The following SHISAL2A variants were observed in gnomAD, a reference collection of about 807,000 sequenced individuals.
SHISAL2A encodes protein shisa-like-2A.
SHISAL2A carries 18 observed loss-of-function variants against 11.5 expected under a neutral mutation model. The ratio of observed to expected loss-of-function variants is 1.57; its 90% CI spans 1.08 to 2.33. SHISAL2A has a LOEUF of 2.33. SHISAL2A is among the 30% of genes most tolerant of loss of function. The pLI is 0.00. For synonymous variants in SHISAL2A, 94 were observed against 99.6 expected (o/e 0.94, Z 0.34); for missense variants, 261 against 250.9 (o/e 1.04, Z -0.27).
Position 52,656,800 on chromosome 1 carries a change from G to T in SHISAL2A, c.333G>T (p.Glu111Asp), listed in dbSNP as rs768974033. 6.2e-7 allele frequency: 1 copy of T among 1,609,668 alleles called. No individual in the cohort carries two copies. The highest frequency in any genetic ancestry group is 8.5e-7 in the Non-Finnish European group (1 of 1,177,166). The change falls in exon 3 of 3, where the codon GAG becomes GAT. Residue 111 changes from glutamate to aspartate, a missense_variant. Glu to Asp is a conservative substitution (Grantham distance 45, BLOSUM62 2). Transcript: ENST00000517870. ...GLSLQTAGPE[E>D]VSPDCQGVNT... ...TTTGCTGTTTTCCAGGCCCTGAGGA[G>T]GTTTCTCCTGACTGCCAAGGTGTGA...
In SHISAL2A at chr1:52,633,751, C is replaced by A; in HGVS notation, c.182+76C>A. The A allele has an allele frequency of 1.6e-6, 2 of 1,246,646 alleles. No homozygotes were observed. Among genetic ancestry groups the A allele is most frequent in the Non-Finnish European group, 2.3e-6 (2 of 871,122 alleles). The allele number at this position is 1,246,646 out of a possible 1,614,324, so 77.2% of individuals were successfully genotyped here. A position where few individuals can be genotyped will look rare whatever the true frequency, so the allele number is the denominator to read the frequency against. ...CCTTCACCCCAGCCTCAGCCCCCAC[C>A]CGAGTGTCCACCTGAACATCAGCAG... On this transcript the variant is annotated intron_variant, in intron 1 of 2. Coordinates refer to ENST00000517870, the MANE Select transcript of SHISAL2A (RefSeq NM_001042693.3). This position sits in a 1 kb window ranked among gnomAD's most constrained non-coding sequence, Gnocchi z 6.4.
intron 2 of SHISAL2A, among the ~76,000 whole-genome samples, chr1:52,646,492 TAC>T (rs35929137): frequency 0.31 from 45,347 of 145,104 alleles, 7,625 homozygotes; most frequent in East Asian, 0.67. Flanking sequence ...TAAATATCTA[TAC>T]ACACACACAC....
chr1:52,633,630 C>T lies in SHISAL2A; in HGVS notation c.137C>T (p.Pro46Leu), dbSNP rs774233857. The change falls in exon 1 of 3, where the codon CCG becomes CTG. Residue 46 changes from proline to leucine, a missense_variant. By Grantham distance (98) the Pro-to-Leu change is moderately conservative. Coordinates refer to ENST00000517870, the MANE Select transcript of SHISAL2A (RefSeq NM_001042693.3). This position sits in a 1 kb window ranked among gnomAD's most constrained non-coding sequence, Gnocchi z 6.4. Reference sequence around the variant, plus strand: ...GACCACAAGTACTGCTGCGACGACCCGCACAGCTTCTTCCCCTACGAGCAC... The same window carrying T: ...GACCACAAGTACTGCTGCGACGACCTGCACAGCTTCTTCCCCTACGAGCAC... Reference protein sequence around the residue: ...FRDHKYCCDDPHSFFPYEHSY... With the variant: ...FRDHKYCCDDLHSFFPYEHSY... 4 of 1,613,194 alleles carry T rather than the reference C, an allele frequency of 2.5e-6. No homozygotes were observed. Among genetic ancestry groups the T allele is most frequent in the South Asian group, 2.2e-5 (2 of 91,004 alleles).
chr1:52,642,428 A>ATT (rs113827358), intron 1 of SHISAL2A, among the ~76,000 whole-genome samples: 3,190 of 145,864 alleles, frequency 0.022, 110 homozygotes, highest in African/African-American at 0.068. Context: ...CACAACACTA[A>ATT]TTTTTTTTTT....
intron 2 of SHISAL2A, among the ~76,000 whole-genome samples, chr1:52,652,062 C>T (rs1414684750): frequency 1.3e-5 from 2 of 152,178 alleles, no homozygotes; most frequent in Non-Finnish European, 2.9e-5. Context: ...CTCAGAGCCC[C>T]ATAATGTGAG....
At chr1:52,644,385 A>T (rs1332777172) in intron 2 of SHISAL2A, among the ~76,000 whole-genome samples, 4 of 152,204 alleles carry the variant, frequency 2.6e-5, no homozygotes, top group Admixed American at 1.3e-4. Flanking sequence ...CACCACAGGG[A>T]ATAAGGCCAG....
At chr1:52,659,192 G>C (rs137973973), downstream of SHISAL2A, among the ~76,000 whole-genome samples, 1 of 152,028 alleles carries the variant, frequency 6.6e-6, no homozygotes, top group African/African-American at 2.4e-5. Context: ...AGCCTCCCAA[G>C]CAACTGTGAC....
intron 1 of SHISAL2A, among the ~76,000 whole-genome samples, chr1:52,642,449 G>A (rs1329025074): frequency 6.9e-6 from 1 of 144,320 alleles, no homozygotes; most frequent in Non-Finnish European, 1.5e-5. Flanking sequence ...TTTTTGAGAT[G>A]GAGTCTTGCT....
At position 52,642,608 on chromosome 1, in the gene SHISAL2A, T is replaced by C. The variant is rs552061328; in HGVS notation, c.183-255T>C. On this transcript the variant is annotated intron_variant, in intron 1 of 2. Transcript: ENST00000517870. ...CTACCACATCCAGCTAAGTTTTGTA[T>C]TTTTAGTGTTTAGACCATGTTGACC... 2.0e-5 allele frequency among the ~76,000 whole-genome samples: 3 copies of C among 152,160 alleles called. No homozygotes were observed. The South Asian group carries it at 6.2e-4, about 32-fold the overall frequency.
rs1396097886 is a variant in SHISAL2A, at chr1:52,667,427, C to A, written n.724C>A. 4.1e-6 allele frequency: 4 copies of A among 982,778 alleles called. No homozygotes were observed. The East Asian group carries it at 4.5e-4, about 112-fold the overall frequency. 60.9% of individuals were successfully genotyped at this position (982,778 alleles called of 1,614,324 possible). On this transcript the variant is annotated non_coding_transcript_exon_variant, in exon 5 of 6. Transcript: ENST00000401050. ...GTTCCTAACTTCCTGGCAACAACCA[C>A]AATTGTAATTCGTTCAAAGAGATTG...
At chr1:52,646,159 C>A (rs1571687825) in intron 2 of SHISAL2A, among the ~76,000 whole-genome samples, 2 of 152,252 alleles carry the variant, frequency 1.3e-5, no homozygotes, top group East Asian at 1.9e-4. Flanking sequence ...CTATTGATAA[C>A]TATTGGTAGA....
chr1:52,646,940 C>T (rs1290699777), intron 2 of SHISAL2A, among the ~76,000 whole-genome samples: 1 of 152,194 alleles, frequency 6.6e-6, no homozygotes, highest in Non-Finnish European at 1.5e-5. Context: ...AGCAATTCTC[C>T]TGCCTCAGCC....
chr1:52,638,539 A>G (rs1188754637), intron 1 of SHISAL2A, among the ~76,000 whole-genome samples: 1 of 152,238 alleles, frequency 6.6e-6, no homozygotes, highest in Non-Finnish European at 1.5e-5. Flanking sequence ...GCTTGGATTC[A>G]CCAGGAGACT....
chr1:52,645,581 G>A (rs1279434849), intron 2 of SHISAL2A, among the ~76,000 whole-genome samples: 2 of 148,852 alleles, frequency 1.3e-5, no homozygotes, highest in South Asian at 2.1e-4. Flanking sequence ...CTAATTTTTT[G>A]TATTTTTAGT....
downstream of SHISAL2A, chr1:52,657,205 G>A (rs1691810529): frequency 2.1e-6 from 2 of 941,898 alleles, no homozygotes; most frequent in East Asian, 5.3e-5. Context: ...GGCCTATTGT[G>A]GGCCAAAGAA....
At chr1:52,638,382 A>G (rs1411240741) in intron 1 of SHISAL2A, among the ~76,000 whole-genome samples, 2 of 152,226 alleles carry the variant, frequency 1.3e-5, no homozygotes, top group Non-Finnish European at 2.9e-5. Flanking sequence ...TAACAGCCCT[A>G]CGAACAGTAA....
exon 6 of SHISAL2A, chr1:52,669,302 C>G (rs933606252): frequency 6.6e-6 from 1 of 151,796 alleles, no homozygotes; most frequent in Non-Finnish European, 1.5e-5. Flanking sequence ...GGGCACTGAG[C>G]TAGGGAATGT....
intron 2 of SHISAL2A, among the ~76,000 whole-genome samples, chr1:52,655,286 A>G (rs1013375106): frequency 3.9e-5 from 6 of 152,024 alleles, no homozygotes; most frequent in African/African-American, 1.4e-4. Flanking sequence ...AGAAGACTTG[A>G]ACAGACACTT....
At chr1:52,665,650 G>A (rs1317998725) in intron 4 of SHISAL2A, among the ~76,000 whole-genome samples, 2 of 152,138 alleles carry the variant, frequency 1.3e-5, no homozygotes, top group African/African-American at 4.8e-5. Context: ...CAATAAGTAT[G>A]GGCCCTATTG....
Sources: gnomAD v4.1 joint callset for allele counts (sites outside exome capture counted in the v4.1 genomes callset) on GRCh38, gnomAD v4.1.1 for gene constraint, Gnocchi (gnomAD v3.1) non-coding constraint, MANE v1.5 for transcripts, NCBI Gene and HGNC (gene_info 2026-07-23, HGNC 2026-07-21) for gene names.